Variants in LINGO2 observed in about 807,000 individuals in gnomAD.
LINGO2 encodes the protein leucine rich repeat and Ig domain containing 2, also known as leucine-rich repeat and immunoglobulin-like domain-containing nogo receptor-interacting protein 2.
Under a neutral mutation model 30.6 loss-of-function variants are expected in LINGO2, and 14 were observed. The ratio of observed to expected loss-of-function variants is 0.46; its 90% CI spans 0.30 to 0.72. The LOEUF (loss-of-function observed/expected upper bound fraction) is 0.72, where lower values mean the gene tolerates loss of function less well. Among genes scored for constraint, LINGO2 ranks in the 30% least tolerant of loss-of-function variants. The pLI, the probability that LINGO2 is intolerant of heterozygous loss-of-function variation, is 0.07. For missense variants in LINGO2, 729 were observed against 751.7 expected (o/e 0.97, Z 0.35); for synonymous variants, 317 against 288.5 (o/e 1.10, Z -1.00).
chr9:28,048,260 G>A (rs575989499), intron 4 of LINGO2, among the ~76,000 whole-genome samples: 1 of 150,994 alleles, frequency 6.6e-6, no homozygotes, highest in East Asian at 2.0e-4. Flanking sequence ...GAAACACATT[G>A]CCCCAACTAA....
chr9:27,989,216 G>A (rs138515418), intron 5 of LINGO2, among the ~76,000 whole-genome samples: 163 of 151,832 alleles, frequency 1.1e-3, no homozygotes, highest in African/African-American at 3.8e-3. Context: ...TCCCATCAAG[G>A]GTCTGCTCAT....
At chr9:28,565,849 G>C (rs1301969480) in intron 1 of LINGO2, among the ~76,000 whole-genome samples, 1 of 152,028 alleles carries the variant, frequency 6.6e-6, no homozygotes, top group Non-Finnish European at 1.5e-5. Flanking sequence ...CCACTGTGAC[G>C]AGCCCAAAAG....
chr9:28,808,511 C>A, the LINGO2 span, among the ~76,000 whole-genome samples: 2 of 152,174 alleles, frequency 1.3e-5, no homozygotes, highest in Admixed American at 6.5e-5. Flanking sequence ...CTGAGGAAAG[C>A]TCTAGCTTTA....
chr9:28,848,081 C>CT, the LINGO2 span, among the ~76,000 whole-genome samples: 1 of 44,292 alleles, frequency 2.3e-5, no homozygotes, highest in African/African-American at 1.4e-4. Flanking sequence ...TATATATATA[C>CT]ACACTATATA....
At chr9:28,510,913 G>A (rs1462749875) in intron 1 of LINGO2, among the ~76,000 whole-genome samples, 2 of 152,126 alleles carry the variant, frequency 1.3e-5, no homozygotes, top group Admixed American at 6.5e-5. Flanking sequence ...GGAGTCTGAT[G>A]TTCGAAGGCA....
chr9:28,124,649 T>C (rs1049975823), intron 4 of LINGO2, among the ~76,000 whole-genome samples: 1 of 152,208 alleles, frequency 6.6e-6, no homozygotes, highest in Non-Finnish European at 1.5e-5. Flanking sequence ...CATTAAAATA[T>C]TGCACTCATC....
intron 4 of LINGO2, among the ~76,000 whole-genome samples, chr9:28,052,962 G>A (rs1361744833): frequency 6.6e-6 from 1 of 150,738 alleles, no homozygotes; most frequent in African/African-American, 2.5e-5. Flanking sequence ...TGAGCATCCA[G>A]TACATGTAAG....
At chr9:28,601,844 T>C (rs1343309007) in intron 1 of LINGO2, among the ~76,000 whole-genome samples, 1 of 151,770 alleles carries the variant, frequency 6.6e-6, no homozygotes, top group Non-Finnish European at 1.5e-5. Context: ...ACTAGCAAAA[T>C]GAAAAAATCT....
rs367940250 is a variant in LINGO2 at position 28,502,804 on chromosome 9, T to G, written c.-364-26779A>C. Among the ~76,000 whole-genome samples, 60 of 152,214 alleles carry G rather than the reference T, an allele frequency of 3.9e-4. 1 individual carries two copies. The South Asian group carries it at 4.1e-3, about 11-fold the overall frequency. On this transcript the variant is annotated intron_variant, in intron 1 of 5. Transcript: ENST00000379992. Reference sequence around the variant, plus strand: ...CTAAAAACATTCCTTTTTACACAAGTATTGCCTTTTAGTGCTATAAAAATG... The same window carrying G: ...CTAAAAACATTCCTTTTTACACAAGGATTGCCTTTTAGTGCTATAAAAATG...
chr9:28,764,085 C>T, the LINGO2 span, among the ~76,000 whole-genome samples: 2 of 151,416 alleles, frequency 1.3e-5, no homozygotes, highest in Non-Finnish European at 2.9e-5. Flanking sequence ...TGACTGAATT[C>T]TACCAAAAAT....
chr9:28,046,989 G>C (rs1824451173), intron 4 of LINGO2, among the ~76,000 whole-genome samples: 1 of 152,126 alleles, frequency 6.6e-6, no homozygotes, highest in Non-Finnish European at 1.5e-5. Context: ...CTGGCTGCAA[G>C]ATAAATGCTG....
the LINGO2 span, among the ~76,000 whole-genome samples, chr9:29,025,122 C>T: frequency 7.3e-5 from 11 of 151,408 alleles, no homozygotes; most frequent in Non-Finnish European, 1.5e-4. Flanking sequence ...TTTCAAACAT[C>T]TGTGGGAACT....
At chr9:28,370,732 C>A (rs1049441092) in intron 3 of LINGO2, among the ~76,000 whole-genome samples, 2 of 152,168 alleles carry the variant, frequency 1.3e-5, no homozygotes, top group African/African-American at 4.8e-5. Context: ...ACCTTCCTAT[C>A]CTCCATACCA....
the LINGO2 span, among the ~76,000 whole-genome samples, chr9:29,111,822 T>C: frequency 0.04 from 3,835 of 94,948 alleles, 161 homozygotes; most frequent in African/African-American, 0.12. Flanking sequence ...GATTTAAAGA[T>C]ATATATATAT....
chr9:28,521,572 G>A (rs1292383331), intron 1 of LINGO2, among the ~76,000 whole-genome samples: 2 of 152,144 alleles, frequency 1.3e-5, no homozygotes, highest in East Asian at 1.9e-4. Flanking sequence ...GACTAACAAA[G>A]TTGGGGGAAA....
At chr9:28,930,189 G>A in the LINGO2 span, among the ~76,000 whole-genome samples, 1 of 151,730 alleles carries the variant, frequency 6.6e-6, no homozygotes, top group Admixed American at 6.6e-5. The surrounding 1 kb of genome is among the most constrained non-coding windows in gnomAD (Gnocchi z 4.2). Flanking sequence ...TGCACAAGGG[G>A]TACTTCTCAT....
intron 4 of LINGO2, among the ~76,000 whole-genome samples, chr9:28,139,897 G>A (rs1259709804): frequency 6.6e-6 from 1 of 152,096 alleles, no homozygotes; most frequent in African/African-American, 2.4e-5. Context: ...ATAACATTTA[G>A]TTTTGTGATT....
At chr9:28,724,081 C>A in the LINGO2 span, among the ~76,000 whole-genome samples, 386 of 152,194 alleles carry the variant, frequency 2.5e-3, 1 homozygote, top group Admixed American at 4.6e-3. Context: ...TAACTTCACC[C>A]CTTTAAGTAA....
At chr9:28,929,083 G>A in the LINGO2 span, among the ~76,000 whole-genome samples, 1 of 152,212 alleles carries the variant, frequency 6.6e-6, no homozygotes. Flanking sequence ...ATACAAAGCA[G>A]GTGAAGCTAG....
Sources: allele counts gnomAD v4.1 joint callset (sites outside exome capture counted in the v4.1 genomes callset), GRCh38; gene constraint gnomAD v4.1.1; non-coding constraint Gnocchi (gnomAD v3.1); transcripts MANE v1.5; gene names NCBI Gene and HGNC (gene_info 2026-07-23, HGNC 2026-07-21).